The following ABCC1 variants were observed in gnomAD, a reference collection of about 807,000 sequenced individuals.
ABCC1 encodes ATP binding cassette subfamily C member 1 (ABCC1 blood group).
ABCC1 carries 83 observed loss-of-function variants against 172.9 expected under a neutral mutation model. The ratio of observed to expected loss-of-function variants is 0.48; its 90% CI spans 0.40 to 0.58. The LOEUF (loss-of-function observed/expected upper bound fraction) is 0.58, where lower values mean the gene tolerates loss of function less well. Ranked by LOEUF, ABCC1 falls within the 20% of genes least tolerant of loss-of-function variation. ABCC1 has a pLI of 0.00. For synonymous variants in ABCC1, 937 were observed against 825.2 expected (o/e 1.14, Z -2.32); for missense variants, 1,817 against 2,002.7 (o/e 0.91, Z 1.77).
At chr16:15,987,550 A>T in intron 1 of ABCC1, among the ~76,000 whole-genome samples, 1 of 152,330 alleles carries the variant, frequency 6.6e-6, no homozygotes, top group South Asian at 2.1e-4. Flanking sequence ...CTCTGTCCAC[A>T]GAGTGCCAAT....
chr16:16,016,651 CGTGTGTGTGTGA>C lies in ABCC1; in HGVS notation c.615+32_615+43del, dbSNP rs760797266. The C allele has an allele frequency of 8.1e-6, 13 of 1,612,098 alleles. No homozygotes were observed. The Admixed American group carries it at 1.7e-4, about 21-fold the overall frequency. ...GTGTGACCACAGATGAGTGTGTGTG[CGTGTGTGTGTGA>C]GAGAGATGCGTGACACAGTACCAGC... On this transcript the variant is annotated intron_variant, in intron 5 of 30. Coordinates refer to ENST00000399410, the MANE Select transcript of ABCC1 (RefSeq NM_004996.4).
At chr16:16,095,596 T>C (rs2051440869) in intron 19 of ABCC1, among the ~76,000 whole-genome samples, 1 of 152,238 alleles carries the variant, frequency 6.6e-6, no homozygotes, top group Admixed American at 6.5e-5. Context: ...GTGCTCCGAC[T>C]TCACACTGCT....
chr16:16,122,555 A>G (rs1005992898), intron 24 of ABCC1, among the ~76,000 whole-genome samples: 1 of 152,102 alleles, frequency 6.6e-6, no homozygotes, highest in African/African-American at 2.4e-5. Context: ...GTCAGAAGCA[A>G]TTTACTAATA....
At chr16:15,964,412 C>T (rs1000165283) in intron 1 of ABCC1, among the ~76,000 whole-genome samples, 8 of 152,140 alleles carry the variant, frequency 5.3e-5, no homozygotes, top group Admixed American at 2.0e-4. Context: ...ATCAGGAGAA[C>T]AGCATGGGGG....
intron 19 of ABCC1, chr16:16,094,324 A>AT (rs1457443103): frequency 3.8e-6 from 1 of 261,212 alleles, no homozygotes; most frequent in African/African-American, 2.3e-5. Flanking sequence ...TGCAGCAGAA[A>AT]TTCAGTGCTC....
At chr16:15,976,228 C>T (rs2046488561) in intron 1 of ABCC1, among the ~76,000 whole-genome samples, 1 of 152,164 alleles carries the variant, frequency 6.6e-6, no homozygotes, top group African/African-American at 2.4e-5. Flanking sequence ...GATTGCACTA[C>T]TGCACTCCAG....
intron 3 of ABCC1, among the ~76,000 whole-genome samples, 182 bp downstream of exon 3, chr16:16,010,083 A>G (rs1392690154): frequency 8.8e-6 from 1 of 114,168 alleles, no homozygotes; most frequent in East Asian, 2.8e-4. Flanking sequence ...TCTCGCTTTC[A>G]TCCAGGCTGG....
chr16:15,967,154 C>CTATA (rs1169013140), intron 1 of ABCC1, among the ~76,000 whole-genome samples: 1 of 152,104 alleles, frequency 6.6e-6, no homozygotes, highest in Non-Finnish European at 1.5e-5. Flanking sequence ...GTCACACCCT[C>CTATA]TATATTCTCC....
At chr16:15,970,336 G>T (rs377680482) in intron 1 of ABCC1, among the ~76,000 whole-genome samples, 22 of 152,300 alleles carry the variant, frequency 1.4e-4, no homozygotes, top group Middle Eastern at 3.4e-3. Flanking sequence ...GGTTGCCTAC[G>T]TCTCTCCTCG....
chr16:16,011,818 C>T (rs551685045), intron 3 of ABCC1, among the ~76,000 whole-genome samples: 84 of 151,770 alleles, frequency 5.5e-4, no homozygotes, highest in African/African-American at 1.4e-3. Flanking sequence ...TACAGGCATG[C>T]GCCACCACGC....
At chr16:16,104,011 C>G (rs45608831) in intron 20 of ABCC1, among the ~76,000 whole-genome samples, 1 of 151,992 alleles carries the variant, frequency 6.6e-6, no homozygotes, top group Non-Finnish European at 1.5e-5. Flanking sequence ...CAGACCTTCG[C>G]GGTAAGTGTT....
intron 5 of ABCC1, among the ~76,000 whole-genome samples, chr16:16,019,330 C>T (rs992654959): frequency 3.9e-5 from 6 of 152,126 alleles, no homozygotes; most frequent in African/African-American, 1.4e-4. Context: ...TCTCGAACTC[C>T]TGACCTCAAG....
At chr16:16,064,245 C>T (rs1957953917) in intron 12 of ABCC1, among the ~76,000 whole-genome samples, 1 of 152,158 alleles carries the variant, frequency 6.6e-6, no homozygotes. Flanking sequence ...GCACCCTAGA[C>T]CCTCGCCTAT....
chr16:15,957,975 C>T (rs2046037658), intron 1 of ABCC1, among the ~76,000 whole-genome samples: 1 of 152,238 alleles, frequency 6.6e-6, no homozygotes, highest in African/African-American at 2.4e-5. Flanking sequence ...CTGCTAGCCC[C>T]AGGCCCACAT....
At position 16,106,833 on chromosome 16, in the gene ABCC1, C is replaced by T. The variant is rs1356766439; in HGVS notation, c.2831C>T (p.Thr944Ile). The T allele has an allele frequency of 1.1e-5, 18 of 1,613,944 alleles. No homozygotes were observed. The highest frequency in any genetic ancestry group is 1.4e-5 in the Non-Finnish European group (17 of 1,180,030). Residue 944 changes from threonine (T) to isoleucine (I), a missense_variant, in exon 21 of 31, where the codon ACC becomes ATC. Transcript: ENST00000399410. ...LQKAEAKKEE[T>I]WKLMEADKAQ... Reference sequence around the variant, plus strand: ...AAAGCTGAGGCCAAGAAGGAGGAGACCTGGAAGCTGATGGAGGCTGACAAG... The same window carrying T: ...AAAGCTGAGGCCAAGAAGGAGGAGATCTGGAAGCTGATGGAGGCTGACAAG...
chr16:16,102,752 C>A, intron 20 of ABCC1, 35 bp downstream of exon 20: 1 of 1,544,350 alleles, frequency 6.5e-7, no homozygotes, highest in Non-Finnish European at 8.8e-7. Flanking sequence ...ACCTAAGGAC[C>A]CTGCCCTGCC....
Position 16,125,867 on chromosome 16 carries a change from G to A in ABCC1, c.3775G>A (p.Val1259Met). The A allele has an allele frequency of 1.2e-6, 2 of 1,614,094 alleles. No homozygotes were observed. The highest frequency in any genetic ancestry group is 1.1e-5 in the South Asian group (1 of 91,070). ...GTCATCTGAAATGGAAACCAACATCGTGGCCGTGGAGAGGCTCAAGGAGTA... is the reference window on the plus strand; with the variant it reads ...GTCATCTGAAATGGAAACCAACATCATGGCCGTGGAGAGGCTCAAGGAGTA... The part of the protein sequence containing the change: ...RMSSEMETNI[V>M]AVERLKEYSE... Residue 1259 changes from valine (V) to methionine (M), a missense_variant, in exon 26 of 31, where the codon GTG becomes ATG. Coordinates refer to ENST00000399410, the MANE Select transcript of ABCC1 (RefSeq NM_004996.4).
rs1239601029 is a variant in ABCC1 at position 16,033,169 on chromosome 16, G to A, written c.676G>A (p.Gly226Arg). ...LSRITFWWIT[G>R]LIVRGYRQPL... ...GAGGATCACCTTCTGGTGGATCACA[G>A]GGTAAGGCCAGGCCCCCCAGACCTC... Residue 226 changes from glycine to arginine, a missense_variant and splice_region_variant, in exon 6 of 31, where the codon GGG (glycine) becomes AGG (arginine). Coordinates refer to ENST00000399410, the MANE Select transcript of ABCC1 (RefSeq NM_004996.4). 6.2e-7 allele frequency: 1 copy of A among 1,613,982 alleles called. No homozygotes were observed. Among genetic ancestry groups the A allele is most frequent in the African/African-American group, 1.3e-5 (1 of 74,902 alleles).
chr16:15,984,418 G>A (rs926691947), intron 1 of ABCC1, among the ~76,000 whole-genome samples: 4 of 148,838 alleles, frequency 2.7e-5, no homozygotes, highest in Non-Finnish European at 4.5e-5. Context: ...TTTGGGCAGA[G>A]TAACTTTTTA....
Sources: allele counts gnomAD v4.1 joint callset (sites outside exome capture counted in the v4.1 genomes callset), GRCh38; gene constraint gnomAD v4.1.1; transcripts MANE v1.5; gene names NCBI Gene and HGNC (gene_info 2026-07-23, HGNC 2026-07-21).